Variants in RBFOX1 observed in about 807,000 individuals in gnomAD.
The protein encoded by RBFOX1 is RNA binding fox-1 homolog 1, also known as RNA binding protein fox-1 homolog 1.
RBFOX1 carries 8 observed loss-of-function variants against 57.7 expected under a neutral mutation model. The observed-to-expected ratio is 0.14, with a 90% CI of 0.08 to 0.25. The LOEUF (loss-of-function observed/expected upper bound fraction) is 0.25, where lower values mean the gene tolerates loss of function less well. Ranked by LOEUF, RBFOX1 falls within the 10% of genes least tolerant of loss-of-function variation. RBFOX1 has a pLI of 1.00. For synonymous variants in RBFOX1, 326 were observed against 222.4 expected (o/e 1.47, Z -4.15); for missense variants, 611 against 548.5 (o/e 1.11, Z -1.14).
intron 3 of RBFOX1, among the ~76,000 whole-genome samples, chr16:6,779,981 T>TTTA (rs2080309894): frequency 1.0e-4 from 2 of 19,148 alleles, no homozygotes; most frequent in Non-Finnish European, 1.6e-4. Flanking sequence ...ATTTATATAT[T>TTTA]TATATATTTA....
intron 2 of RBFOX1, among the ~76,000 whole-genome samples, chr16:6,575,629 G>A (rs1030759080): frequency 1.6e-4 from 24 of 152,030 alleles, no homozygotes; most frequent in African/African-American, 4.8e-4. Flanking sequence ...AGGCCACGGT[G>A]GGCAGATCAC....
intron 2 of RBFOX1, among the ~76,000 whole-genome samples, chr16:5,507,390 A>G (rs2043415846): frequency 6.6e-6 from 1 of 152,024 alleles, no homozygotes; most frequent in African/African-American, 2.4e-5. Context: ...CAGTTTCTCC[A>G]TCAGTGGGTG....
chr16:7,544,779 T>C (rs2083949484), intron 5 of RBFOX1, among the ~76,000 whole-genome samples: 1 of 152,200 alleles, frequency 6.6e-6, no homozygotes, highest in Non-Finnish European at 1.5e-5. Context: ...TGAGATATTT[T>C]TTCTTGTTTG....
chr16:6,843,421 G>T (rs957260506), intron 3 of RBFOX1, among the ~76,000 whole-genome samples: 1 of 152,132 alleles, frequency 6.6e-6, no homozygotes, highest in African/African-American at 2.4e-5. Flanking sequence ...AGACATGGTG[G>T]CTTACACCTG....
At chr16:7,228,155 C>T (rs559077605) in intron 4 of RBFOX1, among the ~76,000 whole-genome samples, 2 of 152,086 alleles carry the variant, frequency 1.3e-5, no homozygotes, top group South Asian at 2.1e-4. Flanking sequence ...GTAAGTTCCG[C>T]GAGAGCAGGC....
chr16:5,888,265 G>A (rs555993725), intron 4 of RBFOX1, among the ~76,000 whole-genome samples: 1 of 152,216 alleles, frequency 6.6e-6, no homozygotes, highest in African/African-American at 2.4e-5. Flanking sequence ...CTTCCTGTGG[G>A]CCACCTTTTC....
Position 7,348,431 on chromosome 16 carries a change from A to G in RBFOX1, c.28-169716A>G, listed in dbSNP as rs573524615. Among the ~76,000 whole-genome samples the G allele has an allele frequency of 2.8e-4, 39 of 141,238 alleles. No individual in the cohort carries two copies. In the South Asian group the frequency reaches 7.8e-3, roughly 28 times the overall value. The allele number at this position is 141,238 out of a possible 152,430, so 92.7% of individuals were successfully genotyped here. Reference sequence around the variant, plus strand: ...TTTTACCTCATGAATATTTTCTGTTAGGTTTTTAAGACTAAGGTGATGTCT... The same window carrying G: ...TTTTACCTCATGAATATTTTCTGTTGGGTTTTTAAGACTAAGGTGATGTCT... On this transcript the variant is annotated intron_variant, in intron 4 of 15. Transcript: ENST00000550418.
intron 3 of RBFOX1, among the ~76,000 whole-genome samples, chr16:5,618,438 C>T (rs954165469): frequency 1.3e-5 from 2 of 152,088 alleles, no homozygotes; most frequent in African/African-American, 4.8e-5. Context: ...ACCAGGTTCA[C>T]GCCATTCTCC....
intron 4 of RBFOX1, among the ~76,000 whole-genome samples, chr16:5,990,801 C>G (rs2060379525): frequency 6.6e-6 from 1 of 152,108 alleles, no homozygotes; most frequent in African/African-American, 2.4e-5. Flanking sequence ...TGAGGAAAAT[C>G]CATCTCTACT....
At chr16:5,856,585 ATATATATATATATATATAT>A in intron 3 of RBFOX1, among the ~76,000 whole-genome samples, 1 of 74,236 alleles carries the variant, frequency 1.3e-5, no homozygotes, top group Non-Finnish European at 2.8e-5. Context: ...GTATATATAT[ATATATATATATATATATAT>A]AATCTTAGCC....
At chr16:5,248,635 AG>A (rs1404410504) in intron 1 of RBFOX1, among the ~76,000 whole-genome samples, 4 of 152,136 alleles carry the variant, frequency 2.6e-5, no homozygotes, top group African/African-American at 2.4e-5. Context: ...CAGCTCTGAA[AG>A]GGGGTGCAGG....
At chr16:6,302,932 GAA>G (rs2078995199) in intron 1 of RBFOX1, among the ~76,000 whole-genome samples, 1 of 152,146 alleles carries the variant, frequency 6.6e-6, no homozygotes, top group Non-Finnish European at 1.5e-5. Context: ...TAAATGACTT[GAA>G]AAAATGATAT....
intron 3 of RBFOX1, among the ~76,000 whole-genome samples, chr16:6,680,317 C>T (rs1182079826): frequency 1.5e-5 from 2 of 133,322 alleles, no homozygotes; most frequent in East Asian, 2.2e-4. Flanking sequence ...GGCTGGAGTG[C>T]AGTGGCGCCA....
intron 4 of RBFOX1, among the ~76,000 whole-genome samples, chr16:7,073,068 G>A (rs937409832): frequency 6.6e-6 from 1 of 152,156 alleles, no homozygotes; most frequent in African/African-American, 2.4e-5. Flanking sequence ...AGGTAGTACA[G>A]GTTGTAGGTA....
At chr16:6,795,946 C>T (rs574961211) in intron 3 of RBFOX1, among the ~76,000 whole-genome samples, 23 of 151,948 alleles carry the variant, frequency 1.5e-4, no homozygotes, top group Non-Finnish European at 2.5e-4. Flanking sequence ...CATTGAGAAA[C>T]ATTGGGATAA....
intron 2 of RBFOX1, among the ~76,000 whole-genome samples, chr16:6,403,498 G>C (rs1277742955): frequency 6.6e-6 from 1 of 151,890 alleles, no homozygotes; most frequent in African/African-American, 2.4e-5. Context: ...CCAGTAGCTG[G>C]GACTACAGGC....
chr16:7,028,291 A>C (rs921468374), intron 3 of RBFOX1, among the ~76,000 whole-genome samples: 2 of 152,116 alleles, frequency 1.3e-5, no homozygotes, highest in Non-Finnish European at 2.9e-5. Flanking sequence ...CACACAGTTC[A>C]TGCTCTGACT....
intron 2 of RBFOX1, among the ~76,000 whole-genome samples, chr16:5,583,177 G>C (rs543978393): frequency 6.6e-6 from 1 of 152,102 alleles, no homozygotes; most frequent in Admixed American, 6.5e-5. Context: ...AATGCCATGC[G>C]CAGCAAAAGC....
chr16:7,423,283 A>T (rs1364897728), intron 4 of RBFOX1, among the ~76,000 whole-genome samples: 8 of 152,072 alleles, frequency 5.3e-5, no homozygotes, highest in Admixed American at 5.2e-4. Flanking sequence ...AGGATTTCTC[A>T]TAGTTAACTG....
Sources: allele counts gnomAD v4.1 joint callset (sites outside exome capture counted in the v4.1 genomes callset), GRCh38; gene constraint gnomAD v4.1.1; transcripts MANE v1.5; gene names NCBI Gene and HGNC (gene_info 2026-07-23, HGNC 2026-07-21).